Variants in RBPJ observed in about 807,000 individuals in gnomAD.
RBPJ encodes the protein recombination signal binding protein for immunoglobulin kappa J region, also known as recombining binding protein suppressor of hairless.
In RBPJ, 9 loss-of-function variants were observed where a neutral mutation model predicts 67.8. That is an observed-to-expected ratio of 0.13 (90% CI 0.08 to 0.23). The LOEUF is 0.23. Ranked by LOEUF, RBPJ falls within the 10% of genes least tolerant of loss-of-function variation. The pLI is 1.00. For synonymous variants in RBPJ, 198 were observed against 203.3 expected (o/e 0.97, Z 0.22); for missense variants, 305 against 595.6 (o/e 0.51, Z 5.08).
At chr4:26,115,217 A>G in the RBPJ span, among the ~76,000 whole-genome samples, 7 of 152,342 alleles carry the variant, frequency 4.6e-5, no homozygotes, top group South Asian at 1.4e-3. Context: ...GATAGTACAA[A>G]CCACATACCT....
At chr4:26,353,606 ATTCTTT>A (rs1323394842) in intron 1 of RBPJ, among the ~76,000 whole-genome samples, 1 of 137,372 alleles carries the variant, frequency 7.3e-6, no homozygotes, top group East Asian at 2.2e-4. Context: ...AATTCACAGT[ATTCTTT>A]TTTTTTTTTT....
intron 1 of RBPJ, among the ~76,000 whole-genome samples, chr4:26,254,544 C>G (rs1720226885): frequency 6.7e-6 from 1 of 148,784 alleles, no homozygotes; most frequent in African/African-American, 2.6e-5. Context: ...ACTTTATTTT[C>G]TTTAAAGCAC....
chr4:26,399,211 C>T (rs1732497066), intron 2 of RBPJ, among the ~76,000 whole-genome samples: 1 of 152,108 alleles, frequency 6.6e-6, no homozygotes, highest in Non-Finnish European at 1.5e-5. Flanking sequence ...GTGGTGTTGC[C>T]TCACCACCAG....
At chr4:26,365,712 A>G (rs1465808546) in intron 1 of RBPJ, among the ~76,000 whole-genome samples, 1 of 152,262 alleles carries the variant, frequency 6.6e-6, no homozygotes, top group African/African-American at 2.4e-5. Context: ...AGAGGAAGTG[A>G]CCAGCATAAG....
At chr4:26,203,036 A>C (rs1192159065) in intron 1 of RBPJ, among the ~76,000 whole-genome samples, 2 of 152,162 alleles carry the variant, frequency 1.3e-5, no homozygotes, top group Non-Finnish European at 2.9e-5. Context: ...AAGAAAGAAA[A>C]GAAAAGAAAA....
rs1287808205 is a variant in RBPJ, at chr4:26,264,718, T to G, written c.-166-97728T>G. Among the ~76,000 whole-genome samples, 1 of 152,202 alleles carries G rather than the reference T, an allele frequency of 6.6e-6. No homozygotes were observed. Among genetic ancestry groups the G allele is most frequent in the Non-Finnish European group, 1.5e-5 (1 of 68,030 alleles). ...GGCTAACTGCTCATTGCTTTGAGTCTCAGCTTAGTTGTCACTTTCTTGGCC... is the reference window on the plus strand; with the variant it reads ...GGCTAACTGCTCATTGCTTTGAGTCGCAGCTTAGTTGTCACTTTCTTGGCC... On this transcript the variant is annotated intron_variant, in intron 1 of 4. Coordinates refer to the RBPJ transcript ENST00000512351. This position sits in a 1 kb window ranked among gnomAD's most constrained non-coding sequence, Gnocchi z 4.1.
At chr4:26,123,804 A>G in the RBPJ span, among the ~76,000 whole-genome samples, 2 of 152,122 alleles carry the variant, frequency 1.3e-5, no homozygotes, top group African/African-American at 4.8e-5. Flanking sequence ...CAATATCACT[A>G]TCTTCACCCT....
chr4:26,376,512 G>A (rs575194384), intron 1 of RBPJ, among the ~76,000 whole-genome samples: 111 of 152,248 alleles, frequency 7.3e-4, no homozygotes, highest in African/African-American at 2.4e-3. Context: ...CCACATTTTT[G>A]TTATCCATTT....
the RBPJ span, among the ~76,000 whole-genome samples, chr4:26,157,761 A>G: frequency 6.6e-6 from 1 of 152,230 alleles, no homozygotes; most frequent in Non-Finnish European, 1.5e-5. Flanking sequence ...TGATATAAGC[A>G]TAGGCACACT....
chr4:26,194,219 C>T (rs1717671461), intron 1 of RBPJ, among the ~76,000 whole-genome samples: 1 of 152,206 alleles, frequency 6.6e-6, no homozygotes, highest in African/African-American at 2.4e-5. Flanking sequence ...CTTTCTCTGG[C>T]TCTTGGGTCT....
intron 1 of RBPJ, among the ~76,000 whole-genome samples, chr4:26,229,332 G>T (rs1577495552): frequency 6.6e-6 from 1 of 152,176 alleles, no homozygotes; most frequent in African/African-American, 2.4e-5. Context: ...GTGTATCAGT[G>T]TGTATGATCT....
chr4:26,314,925 C>T (rs189984528), upstream of RBPJ, among the ~76,000 whole-genome samples: 2 of 151,662 alleles, frequency 1.3e-5, no homozygotes, highest in East Asian at 3.9e-4. Context: ...GGTGGGCAGA[C>T]CATGAGATCA....
upstream of RBPJ, among the ~76,000 whole-genome samples, chr4:26,316,685 T>TATTGTGTATATATATATATAC (rs1560258804): frequency 7.0e-6 from 1 of 143,342 alleles, no homozygotes; most frequent in African/African-American, 2.6e-5. Context: ...TATATATATA[T>TATTGTGTATATATATATATAC]ACACATATTG....
chr4:26,118,811 C>G, the RBPJ span, among the ~76,000 whole-genome samples: 5 of 152,196 alleles, frequency 3.3e-5, no homozygotes, highest in East Asian at 9.6e-4. Context: ...AAAAGGTATT[C>G]TTTTGACTTC....
intron 7 of RBPJ, among the ~76,000 whole-genome samples, chr4:26,426,837 C>T (rs1008961155): frequency 9.2e-5 from 14 of 152,002 alleles, no homozygotes; most frequent in African/African-American, 2.9e-4. Context: ...GGAGCTGGAG[C>T]GGAGGGAGGA....
intron 1 of RBPJ, among the ~76,000 whole-genome samples, chr4:26,236,915 T>C (rs533984296): frequency 1.1e-3 from 170 of 152,322 alleles, no homozygotes; most frequent in Non-Finnish European, 1.8e-3. Context: ...CTGATTCTGA[T>C]GTCTACTCTG....
rs1736161033 is a variant in RBPJ at position 26,430,983 on chromosome 4, A to G, written c.1440A>G (p.Ser480=). 6.2e-7 allele frequency: 1 copy of G among 1,613,964 alleles called. No individual in the cohort carries two copies. Among genetic ancestry groups the G allele is most frequent in the African/African-American group, 1.3e-5 (1 of 74,996 alleles). ...GCACAAATTCAACCAGTGTCACATCATCTACAGCCACAGTGGTATCCTAAC... is the reference window on the plus strand; with the variant it reads ...GCACAAATTCAACCAGTGTCACATCGTCTACAGCCACAGTGGTATCCTAAC... The part of the protein sequence containing the change: ...NASTNSTSVT[S]STATVVS The change falls in exon 11 of 11, where the codon TCA becomes TCG. Residue 480 remains serine, a synonymous_variant. Transcript: ENST00000355476. This position sits in a 1 kb window ranked among gnomAD's most constrained non-coding sequence, Gnocchi z 4.1.
At chr4:26,112,755 C>CTTTTTTTTTTTTTT in the RBPJ span, 1 of 88,706 alleles carries the variant, frequency 1.1e-5, no homozygotes, top group African/African-American at 4.8e-5. Flanking sequence ...AAGGGAGAAT[C>CTTTTTTTTTTTTTT]TTTTTTTTTT....
chr4:26,162,875 G>A (rs149335030), upstream of RBPJ, among the ~76,000 whole-genome samples: 2 of 151,922 alleles, frequency 1.3e-5, no homozygotes, highest in African/African-American at 4.8e-5. Context: ...AGGAAGAGCG[G>A]CAGGGAGACC....
Sources: gnomAD v4.1 joint callset for allele counts (sites outside exome capture counted in the v4.1 genomes callset) on GRCh38, gnomAD v4.1.1 for gene constraint, Gnocchi (gnomAD v3.1) non-coding constraint, MANE v1.5 for transcripts, NCBI Gene and HGNC (gene_info 2026-07-23, HGNC 2026-07-21) for gene names.